MKNK1: variants seen among roughly 807,000 people sequenced by gnomAD.
MKNK1 encodes MAP kinase-interacting serine/threonine-protein kinase 1.
A neutral mutation model predicts 49.3 loss-of-function variants in MKNK1; 30 were observed. The ratio of observed to expected loss-of-function variants is 0.61; its 90% CI spans 0.46 to 0.83. The LOEUF (loss-of-function observed/expected upper bound fraction) is 0.83. MKNK1 is among the 40% of genes least tolerant of loss of function. The probability of loss-of-function intolerance (pLI) is 0.00; values close to 1 mark genes in which losing one functional copy is unlikely to be tolerated. For missense variants in MKNK1, 423 were observed against 524.7 expected (o/e 0.81, Z 1.89); for synonymous variants, 176 against 201.7 (o/e 0.87, Z 1.08).
chr1:46,591,361 C>T (rs1327789864), intron 2 of MKNK1, among the ~76,000 whole-genome samples: 5 of 152,096 alleles, frequency 3.3e-5, no homozygotes, highest in Non-Finnish European at 5.9e-5. Flanking sequence ...CAAAGGATCC[C>T]CCACAGGCCT....
At chr1:46,567,129 G>A (rs1225485771) in intron 8 of MKNK1, among the ~76,000 whole-genome samples, 1 of 152,204 alleles carries the variant, frequency 6.6e-6, no homozygotes. Context: ...TTTTTGTGGA[G>A]ATGGGGTCTC....
chr1:46,597,162 G>C (rs184902162), intron 1 of MKNK1, among the ~76,000 whole-genome samples: 77 of 152,150 alleles, frequency 5.1e-4, no homozygotes, highest in African/African-American at 1.8e-3. Flanking sequence ...CAGATCCATC[G>C]GCCTGCAGCT....
chr1:46,562,851 G>A lies in MKNK1; in HGVS notation c.610-8C>T. The stretch of plus-strand genomic sequence containing the variant: ...GTATTCTGCAGAGCCACACTGTGGG[G>A]GCCAGGGTTGGGGGAGGGGGAGATG... On this transcript the variant is annotated splice_polypyrimidine_tract_variant and splice_region_variant and intron_variant, in intron 9 of 12. Coordinates refer to ENST00000371945, the MANE Select transcript of MKNK1 (RefSeq NM_001135553.4). 1 of 1,600,736 alleles carries A rather than the reference G, an allele frequency of 6.2e-7. No homozygotes were observed. The highest frequency in any genetic ancestry group is 8.5e-7 in the Non-Finnish European group (1 of 1,173,668).
Position 46,574,968 on chromosome 1 carries a change from C to T in MKNK1, c.331G>A (p.Val111Ile), listed in dbSNP as rs749009416. The change falls in exon 6 of 13, where the codon GTC (valine) becomes ATC (isoleucine). Residue 111 changes from valine to isoleucine, a missense_variant. By Grantham distance (29) the Val-to-Ile change is conservative. Transcript: ENST00000371945. ...GTACCTCCTTGCAATTTCTCAAAGA[C>T]CAAGTAAAACCTTGTGTCATCTTCA... is the stretch of plus-strand genomic sequence containing the variant. ...FFEDDTRFYLVFEKLQGGSIL... is the reference protein window; with the variant it reads ...FFEDDTRFYLIFEKLQGGSIL... 18 of 1,613,106 alleles carry T rather than the reference C, an allele frequency of 1.1e-5. No individual in the cohort carries two copies.
At chr1:46,591,961 T>C (rs11211317) in intron 2 of MKNK1, among the ~76,000 whole-genome samples, 47,788 of 151,894 alleles carry the variant, frequency 0.31, 7,547 homozygotes, top group Admixed American at 0.39. Flanking sequence ...AAAAAAAAGC[T>C]GGGTGTGATG....
intron 8 of MKNK1, among the ~76,000 whole-genome samples, chr1:46,567,095 G>T (rs1224930936): frequency 6.6e-6 from 1 of 152,018 alleles, no homozygotes; most frequent in Admixed American, 6.6e-5. Context: ...GCATGCAACC[G>T]CTGTGACCAG....
At chr1:46,600,109 C>T (rs1275135609) in intron 1 of MKNK1, among the ~76,000 whole-genome samples, 2 of 152,222 alleles carry the variant, frequency 1.3e-5, no homozygotes, top group Non-Finnish European at 2.9e-5. Flanking sequence ...TCTCCACCTT[C>T]AGGAATCCTC....
intron 1 of MKNK1, among the ~76,000 whole-genome samples, chr1:46,598,093 A>G (rs1674304680): frequency 6.6e-6 from 1 of 152,208 alleles, no homozygotes; most frequent in Non-Finnish European, 1.5e-5. Flanking sequence ...ACTTTTCCAT[A>G]TTCATGGAAA....
In MKNK1 at chr1:46,558,755, G is replaced by A. The variant is rs1667396902; in HGVS notation, c.1059C>T (p.Ile353=). ...MDLTLFAAEA[I]ALNRQLSQHE... ...GCTGAGATAGCTGGCGGTTAAGGGC[G>A]ATGGCCTCAGCTGCGAAGAGCGTCA... The change falls in exon 13 of 13, where the codon ATC becomes ATT. Residue 353 remains isoleucine (I), a synonymous_variant. Coordinates refer to ENST00000371945, the MANE Select transcript of MKNK1 (RefSeq NM_001135553.4). 3 of 1,614,218 alleles carry A rather than the reference G, an allele frequency of 1.9e-6. No homozygotes were observed. Among genetic ancestry groups the A allele is most frequent in the Non-Finnish European group, 2.5e-6 (3 of 1,180,036 alleles).
intron 8 of MKNK1, 45 bp from the exon 9 acceptor site, chr1:46,565,181 C>G: frequency 1.3e-6 from 2 of 1,579,068 alleles, no homozygotes; most frequent in Non-Finnish European, 1.7e-6. Context: ...TAAGAAACTA[C>G]GGGGCAAGAG....
rs940367310 is a variant in MKNK1 at position 46,588,763 on chromosome 1, G to A, written c.-3+5350C>T. 4.7e-5 allele frequency among the ~76,000 whole-genome samples: 7 copies of A among 149,146 alleles called. No homozygotes were observed. In the East Asian group the frequency reaches 5.9e-4, roughly 13 times the overall value. On this transcript the variant is annotated intron_variant, in intron 2 of 12. Transcript: ENST00000371945. ...GCGGAGCCTGCAGTGAGCCGAGATCGCGCCACTGCACTCCAGCCTGGGCGA... is the reference window on the plus strand; with the variant it reads ...GCGGAGCCTGCAGTGAGCCGAGATCACGCCACTGCACTCCAGCCTGGGCGA...
chr1:46,582,910 G>A, intron 3 of MKNK1: 1 of 528,908 alleles, frequency 1.9e-6, no homozygotes, highest in South Asian at 1.5e-5. Flanking sequence ...GAATAGCTGA[G>A]GGAAGAATCA....
rs200783859 is a variant in MKNK1, at chr1:46,558,811, A to G, written c.1014-11T>C. 173 of 1,610,670 alleles carry G rather than the reference A, an allele frequency of 1.1e-4. No individual in the cohort carries two copies. The Middle Eastern group carries it at 1.3e-3, about 12-fold the overall frequency. On this transcript the variant is annotated splice_polypyrimidine_tract_variant and intron_variant, in intron 12 of 12. Coordinates refer to ENST00000371945, the MANE Select transcript of MKNK1 (RefSeq NM_001135553.4). ...ATTGTGCTGCTGTTCCTGCAGGGCC[A>G]GGGGAAAGCACAGAAAAGAGGGTCA... is the stretch of plus-strand genomic sequence containing the variant.
At position 46,572,108 on chromosome 1, in the gene MKNK1, C is replaced by T; in HGVS notation, c.412G>A (p.Val138Met). 1 of 1,614,214 alleles carries T rather than the reference C, an allele frequency of 6.2e-7. No homozygotes were observed. Among genetic ancestry groups the T allele is most frequent in the Non-Finnish European group, 8.5e-7 (1 of 1,180,018 alleles). ...KHFNEREASR[V>M]VRDVAAALDF... ...AGGGCAGCAGCAACGTCCCGCACCA[C>T]TCGGCTGGCTTCTCGCTCATTGAAG... The change falls in exon 7 of 13, where the codon GTG becomes ATG. Residue 138 changes from valine (V) to methionine (M), a missense_variant. Val to Met is a conservative substitution (Grantham distance 21). Transcript: ENST00000371945.
Position 46,561,539 on chromosome 1 carries a change from A to G in MKNK1, c.908T>C (p.Val303Ala). ...GCTAAGTCTCTGCTTTGCATCTCGC[A>G]CCAGGAGCTTGGAGATGAGGTCTTT... The part of the protein sequence containing the change: ...EAKDLISKLL[V>A]RDAKQRLSAA... The change falls in exon 11 of 13, where the codon GTG becomes GCG. Residue 303 changes from valine to alanine, a missense_variant. Val to Ala is a moderately conservative substitution (Grantham distance 64, BLOSUM62 0). Transcript: ENST00000371945. 6.2e-7 allele frequency: 1 copy of G among 1,614,164 alleles called. No individual in the cohort carries two copies.
At chr1:46,592,364 C>T (rs573672426) in intron 2 of MKNK1, among the ~76,000 whole-genome samples, 3 of 152,376 alleles carry the variant, frequency 2.0e-5, no homozygotes, top group Admixed American at 2.0e-4. Context: ...TGCTTTCCAG[C>T]AACAGACAGC....
chr1:46,579,076 C>T (rs957302383), intron 4 of MKNK1, among the ~76,000 whole-genome samples: 9 of 152,108 alleles, frequency 5.9e-5, no homozygotes, highest in African/African-American at 1.7e-4. Context: ...TACACTTAGG[C>T]GTATGTTTTA....
chr1:46,562,930 T>G, intron 9 of MKNK1, 87 bp from the exon 10 acceptor site: 4 of 1,132,370 alleles, frequency 3.5e-6, no homozygotes, highest in Non-Finnish European at 3.7e-6. Context: ...GAGCAGACTG[T>G]GATGGGACTG....
At chr1:46,575,074 T>G (rs2148658510) in intron 5 of MKNK1, 54 bp from the exon 6 acceptor site, 1 of 1,179,790 alleles carries the variant, frequency 8.5e-7, no homozygotes, top group Non-Finnish European at 1.2e-6. Flanking sequence ...GTATTATATA[T>G]TAAAGTCTAC....
Sources: allele counts gnomAD v4.1 joint callset (sites outside exome capture counted in the v4.1 genomes callset), GRCh38; gene constraint gnomAD v4.1.1; transcripts MANE v1.5; gene names NCBI Gene and HGNC (gene_info 2026-07-23, HGNC 2026-07-21).